MORF4L1: variants seen among roughly 807,000 people sequenced by gnomAD.
MORF4L1 encodes mortality factor 4 like 1.
In MORF4L1, 4 loss-of-function variants were observed where a neutral mutation model predicts 52.9. The observed-to-expected ratio is 0.08, with a 90% CI of 0.04 to 0.17. MORF4L1 has a LOEUF of 0.17. Ranked by LOEUF, MORF4L1 falls within the 10% of genes least tolerant of loss-of-function variation. The probability of loss-of-function intolerance (pLI) is 1.00; values close to 1 mark genes in which losing one functional copy is unlikely to be tolerated. For synonymous variants in MORF4L1, 123 were observed against 134.8 expected (o/e 0.91, Z 0.61); for missense variants, 214 against 390.4 (o/e 0.55, Z 3.81).
chr15:78,887,536 TTCCC>T (rs751531274), intron 5 of MORF4L1, 187 bp downstream of exon 5: 15 of 470,146 alleles, frequency 3.2e-5, no homozygotes, highest in Non-Finnish European at 5.7e-5. Context: ...CCTCAGCAGG[TTCCC>T]CCTCCCTTTA....
At chr15:78,888,899 G>C (rs1054393535) in intron 5 of MORF4L1, among the ~76,000 whole-genome samples, 6 of 152,110 alleles carry the variant, frequency 3.9e-5, no homozygotes, top group Non-Finnish European at 5.9e-5. Flanking sequence ...TCATGATCTG[G>C]TTCTTTGGAA....
At chr15:78,883,255 A>G (rs1287802821) in intron 3 of MORF4L1, among the ~76,000 whole-genome samples, 1 of 152,042 alleles carries the variant, frequency 6.6e-6, no homozygotes, top group African/African-American at 2.4e-5. Context: ...AACTAAGGGA[A>G]ACTACGACAA....
intron 1 of MORF4L1, among the ~76,000 whole-genome samples, chr15:78,875,648 G>T (rs1687335727): frequency 6.6e-6 from 1 of 151,850 alleles, no homozygotes; most frequent in African/African-American, 2.4e-5. Flanking sequence ...TTAGCAGGGC[G>T]TGGTGTTAGG....
chr15:78,889,691 C>T (rs988073042), intron 5 of MORF4L1, among the ~76,000 whole-genome samples: 1 of 152,024 alleles, frequency 6.6e-6, no homozygotes, highest in African/African-American at 2.4e-5. Context: ...ACAAAACTAA[C>T]AGACAAGAGA....
At position 78,897,438 on chromosome 15, in the gene MORF4L1, A is replaced by C. The variant is rs1423518100; in HGVS notation, c.*371A>C. On this transcript the variant is annotated 3_prime_UTR_variant, in exon 12 of 12. Transcript: ENST00000426013. Reference sequence around the variant, plus strand: ...AAAATGCTCTGATTCCTAGTGCCAAAGGTTCAATTCAGTGTATATAACTGA... The same window carrying C: ...AAAATGCTCTGATTCCTAGTGCCAACGGTTCAATTCAGTGTATATAACTGA... The C allele has an allele frequency of 5.5e-6, 1 of 183,354 alleles. No homozygotes were observed. The highest frequency in any genetic ancestry group is 1.2e-5 in the Non-Finnish European group (1 of 84,236). 11.4% of individuals were successfully genotyped at this position (183,354 alleles called of 1,614,324 possible). A position where few individuals can be genotyped will look rare whatever the true frequency, so the allele number is the denominator to read the frequency against.
intron 6 of MORF4L1, 182 bp downstream of exon 6, chr15:78,891,196 C>A (rs1013853102): frequency 2.8e-5 from 22 of 774,666 alleles, no homozygotes; most frequent in Non-Finnish European, 4.2e-5. Context: ...CAAGGAGAAA[C>A]TTGTGAGCAT....
chr15:78,880,167 A>G (rs1381501771), intron 2 of MORF4L1, among the ~76,000 whole-genome samples: 1 of 152,256 alleles, frequency 6.6e-6, no homozygotes, highest in Non-Finnish European at 1.5e-5. Context: ...AATATAGTTT[A>G]AAGACTTTGC....
At chr15:78,896,910 A>G (rs916261990) in intron 11 of MORF4L1, 73 bp from the exon 12 acceptor site, 31 of 1,145,194 alleles carry the variant, frequency 2.7e-5, no homozygotes, top group South Asian at 1.4e-4. Context: ...GCTTATGTAT[A>G]TAATATATAG....
At chr15:78,894,448 G>T (rs2056851773) in intron 10 of MORF4L1, 1 of 329,780 alleles carries the variant, frequency 3.0e-6, no homozygotes, top group South Asian at 5.2e-5. Context: ...AGTCTCTGTT[G>T]CCCAGGCTGG....
chr15:78,897,161 G>C lies in MORF4L1; in HGVS notation c.*94G>C, dbSNP rs1318101277. On this transcript the variant is annotated 3_prime_UTR_variant, in exon 12 of 12. Transcript: ENST00000426013. The stretch of plus-strand genomic sequence containing the variant: ...CAAACGATGTGCTTTGAAGATGTTA[G>C]TGTATAACAATTGATGTTTGTTTTC... 3.2e-6 allele frequency: 3 copies of C among 939,412 alleles called. No individual in the cohort carries two copies. In the African/African-American group the frequency reaches 4.9e-5, roughly 15 times the overall value. The allele number at this position is 939,412 out of a possible 1,614,324, so 58.2% of individuals were successfully genotyped here.
intron 7 of MORF4L1, chr15:78,891,828 C>T (rs1332945508): frequency 2.5e-5 from 11 of 437,924 alleles, no homozygotes; most frequent in Non-Finnish European, 4.0e-5. Flanking sequence ...TTTGGTGTTA[C>T]GTATTTATTT....
chr15:78,885,983 A>G (rs918376601), intron 3 of MORF4L1, among the ~76,000 whole-genome samples, 158 bp from the exon 4 acceptor site: 7 of 152,268 alleles, frequency 4.6e-5, no homozygotes, highest in African/African-American at 1.7e-4. Flanking sequence ...CTTTTTACAG[A>G]ACAGACTTCC....
chr15:78,875,341 T>G (rs1284248335), intron 1 of MORF4L1, among the ~76,000 whole-genome samples: 1 of 152,138 alleles, frequency 6.6e-6, no homozygotes, highest in Non-Finnish European at 1.5e-5. Context: ...GTGGGGTAAT[T>G]GGAGAAGAGT....
Position 78,872,920 on chromosome 15 carries a change from G to C in MORF4L1, c.-98G>C. ...CGGCCCAGGATGTAGAGCTGGCAGT[G>C]CCTGACGGCGCGTCTGACGCGGAGT... On this transcript the variant is annotated 5_prime_UTR_variant, in exon 1 of 12. Transcript: ENST00000426013. 30 of 1,506,930 alleles carry C rather than the reference G, an allele frequency of 2.0e-5. No individual in the cohort carries two copies. Among genetic ancestry groups the C allele is most frequent in the Non-Finnish European group, 2.5e-5 (28 of 1,128,594 alleles). The allele number at this position is 1,506,930 out of a possible 1,614,324, so 93.3% of individuals were successfully genotyped here. A position where few individuals can be genotyped will look rare whatever the true frequency, so the allele number is the denominator to read the frequency against.
intron 1 of MORF4L1, among the ~76,000 whole-genome samples, chr15:78,875,620 C>G (rs558828541): frequency 4.9e-5 from 7 of 143,934 alleles, no homozygotes; most frequent in South Asian, 2.2e-4. Flanking sequence ...AACCCAGTCT[C>G]TACTAAAAAT....
intron 5 of MORF4L1, among the ~76,000 whole-genome samples, chr15:78,889,780 T>C (rs1175158363): frequency 6.6e-6 from 1 of 152,136 alleles, no homozygotes; most frequent in Admixed American, 6.5e-5. Context: ...CTAAATTAAA[T>C]GAATATATTT....
In MORF4L1 at chr15:78,897,842, C is replaced by T. The variant is rs955815447; in HGVS notation, c.*775C>T. On this transcript the variant is annotated 3_prime_UTR_variant, in exon 12 of 12. Transcript: ENST00000426013. ...GTGCGTGCTTTGTTTTCTGGTATGG[C>T]CTTTATGGAATGAGACGCTTTAGCT... is the stretch of plus-strand genomic sequence containing the variant. 5 of 152,450 alleles carry T rather than the reference C, an allele frequency of 3.3e-5. No individual in the cohort carries two copies. The highest frequency in any genetic ancestry group is 7.3e-5 in the Non-Finnish European group (5 of 68,030). The allele number at this position is 152,450 out of a possible 1,614,324, so 9.4% of individuals were successfully genotyped here. A position where few individuals can be genotyped will look rare whatever the true frequency, so the allele number is the denominator to read the frequency against.
chr15:78,897,230 C>A lies in MORF4L1; in HGVS notation c.*163C>A. 1 of 511,314 alleles carries A rather than the reference C, an allele frequency of 2.0e-6. No individual in the cohort carries two copies. 31.7% of individuals were successfully genotyped at this position (511,314 alleles called of 1,614,324 possible). On this transcript the variant is annotated 3_prime_UTR_variant, in exon 12 of 12. Transcript: ENST00000426013. ...GAAAAAATAAAAGGGGGTAATAGCTCCTTTTTTCTTCTTTCTTTTTTTTTT... is the reference window on the plus strand; with the variant it reads ...GAAAAAATAAAAGGGGGTAATAGCTACTTTTTTCTTCTTTCTTTTTTTTTT...
intron 5 of MORF4L1, 167 bp from the exon 6 acceptor site, chr15:78,890,822 T>A: frequency 1.7e-6 from 1 of 578,552 alleles, no homozygotes; most frequent in Non-Finnish European, 2.5e-6. Context: ...GATGGGAATT[T>A]AACCAACTAT....
Sources: gnomAD v4.1 joint callset for allele counts (sites outside exome capture counted in the v4.1 genomes callset) on GRCh38, gnomAD v4.1.1 for gene constraint, MANE v1.5 for transcripts, NCBI Gene and HGNC (gene_info 2026-07-23, HGNC 2026-07-21) for gene names.